Variants in ANK3 observed in about 807,000 individuals in gnomAD.
ANK3 encodes ankyrin 3, also known as ankyrin-3.
A neutral mutation model predicts 370.9 loss-of-function variants in ANK3; 57 were observed. That is an observed-to-expected ratio of 0.15 (90% CI 0.12 to 0.19). ANK3 has a LOEUF of 0.19. Among genes scored for constraint, ANK3 ranks in the 10% least tolerant of loss-of-function variants. The pLI, the probability that ANK3 is intolerant of heterozygous loss-of-function variation, is 1.00. For missense variants in ANK3, 4,439 were observed against 5,302.1 expected (o/e 0.84, Z 5.06); for synonymous variants, 1,929 against 1,946.3 (o/e 0.99, Z 0.23).
At chr10:60,076,728 C>T (rs999854821) in intron 36 of ANK3, among the ~76,000 whole-genome samples, 1 of 151,564 alleles carries the variant, frequency 6.6e-6, no homozygotes, top group African/African-American at 2.4e-5. Flanking sequence ...AAGAGGCAAA[C>T]AATGAAAAAT....
intron 2 of ANK3, among the ~76,000 whole-genome samples, chr10:60,493,928 T>C (rs1453999236): frequency 1.3e-5 from 2 of 152,268 alleles, no homozygotes; most frequent in East Asian, 3.9e-4. Flanking sequence ...CCAACTTCCC[T>C]TCCACCTTAC....
At chr10:60,339,198 G>C (rs1184160021) in intron 1 of ANK3, among the ~76,000 whole-genome samples, 1 of 152,022 alleles carries the variant, frequency 6.6e-6, no homozygotes, top group Non-Finnish European at 1.5e-5. Flanking sequence ...ACATCTGTGG[G>C]AGTTTAATTT....
intron 21 of ANK3, among the ~76,000 whole-genome samples, chr10:60,169,371 T>G (rs866592694): frequency 0.012 from 1,846 of 149,802 alleles, 51 homozygotes; most frequent in African/African-American, 0.043. Context: ...ATAGTTTTTT[T>G]TTTTTTTTTT....
intron 2 of ANK3, among the ~76,000 whole-genome samples, chr10:60,553,364 A>C (rs933113811): frequency 6.6e-6 from 1 of 152,220 alleles, no homozygotes; most frequent in African/African-American, 2.4e-5. Context: ...TGACTTACAT[A>C]AATCTCATAG....
chr10:60,622,233 C>CA (rs1243609941), intron 1 of ANK3, among the ~76,000 whole-genome samples: 1 of 147,760 alleles, frequency 6.8e-6, no homozygotes, highest in African/African-American at 2.4e-5. Context: ...ACTAAACCTA[C>CA]AAAAAATAGG....
intron 16 of ANK3, among the ~76,000 whole-genome samples, chr10:60,187,754 C>T (rs1373664567): frequency 1.3e-5 from 2 of 152,062 alleles, no homozygotes; most frequent in Non-Finnish European, 2.9e-5. Flanking sequence ...TTTTGATTTC[C>T]TCTTTTACAA....
chr10:60,539,705 C>T (rs966266669), intron 2 of ANK3, among the ~76,000 whole-genome samples: 3 of 151,880 alleles, frequency 2.0e-5, no homozygotes, highest in Non-Finnish European at 2.9e-5. Context: ...CTGAAATGTA[C>T]AATTTCACCA....
chr10:60,534,188 C>T (rs181689135), intron 2 of ANK3, among the ~76,000 whole-genome samples: 17 of 152,254 alleles, frequency 1.1e-4, no homozygotes, highest in Middle Eastern at 3.4e-3. Context: ...CCCAAATTCA[C>T]GGATCCCTCT....
chr10:60,516,623 A>G (rs1015500786), intron 2 of ANK3, among the ~76,000 whole-genome samples: 6 of 151,668 alleles, frequency 4.0e-5, no homozygotes, highest in Admixed American at 1.3e-4. Context: ...AAAATGGAGG[A>G]AAAAAAAATT....
intron 1 of ANK3, among the ~76,000 whole-genome samples, chr10:60,662,178 G>C (rs2078943634): frequency 6.6e-6 from 1 of 152,046 alleles, no homozygotes; most frequent in Non-Finnish European, 1.5e-5. Context: ...GAGAAATAAA[G>C]GATGAAAAAA....
intron 2 of ANK3, among the ~76,000 whole-genome samples, chr10:60,458,355 T>A (rs1383266456): frequency 6.6e-6 from 1 of 152,104 alleles, no homozygotes; most frequent in Non-Finnish European, 1.5e-5. Flanking sequence ...GAAGGTACAT[T>A]CCAACATCTC....
At chr10:60,239,552 G>T (rs901823976) in intron 7 of ANK3, among the ~76,000 whole-genome samples, 1 of 152,006 alleles carries the variant, frequency 6.6e-6, no homozygotes, top group African/African-American at 2.4e-5. Context: ...GAGTAATAAA[G>T]ACTTTTTAAG....
intron 8 of ANK3, among the ~76,000 whole-genome samples, chr10:60,228,163 C>T (rs2097191453): frequency 6.6e-6 from 1 of 152,122 alleles, no homozygotes; most frequent in African/African-American, 2.4e-5. Context: ...CTATCATGCA[C>T]CACTTACGAA....
chr10:60,315,180 C>T (rs891466063), intron 1 of ANK3, among the ~76,000 whole-genome samples: 1 of 152,088 alleles, frequency 6.6e-6, no homozygotes, highest in African/African-American at 2.4e-5. Flanking sequence ...ACTGTAGGGC[C>T]AGAGATAGAG....
At position 60,059,359 on chromosome 10, in the gene ANK3, G is replaced by A. The variant is rs1311264497; in HGVS notation, c.12667C>T (p.Leu4223=). 1.2e-6 allele frequency: 2 copies of A among 1,613,936 alleles called. No individual in the cohort carries two copies. The highest frequency in any genetic ancestry group is 2.2e-5 in the East Asian group (1 of 44,862). ...AQARRVTGGL[L]DRLDDSPDQC... Reference sequence around the variant, plus strand: ...CCATACCTGTCATCCAGTCGATCTAGTAACCCACCAGTTACTCTTCGAGCT... The same window carrying A: ...CCATACCTGTCATCCAGTCGATCTAATAACCCACCAGTTACTCTTCGAGCT... Residue 4223 remains leucine, a synonymous_variant, in exon 41 of 44, where the codon CTA becomes TTA. Transcript: ENST00000280772.
intron 18 of ANK3, among the ~76,000 whole-genome samples, chr10:60,177,114 T>C (rs1429049934): frequency 6.6e-6 from 1 of 152,166 alleles, no homozygotes; most frequent in Non-Finnish European, 1.5e-5. Flanking sequence ...TGAAACACCT[T>C]GACAGTTTTT....
intron 28 of ANK3, among the ~76,000 whole-genome samples, chr10:60,093,031 C>A (rs936482823): frequency 1.3e-5 from 2 of 152,186 alleles, no homozygotes; most frequent in African/African-American, 4.8e-5. Context: ...CCACTGCACC[C>A]GGCCAGAATT....
At chr10:60,379,720 G>A (rs115247514) in intron 1 of ANK3, among the ~76,000 whole-genome samples, 2,814 of 152,130 alleles carry the variant, frequency 0.018, 89 homozygotes, top group African/African-American at 0.064. Flanking sequence ...GAAAGGTAGG[G>A]GAAAGGGAGG....
In ANK3 at chr10:60,053,505, T is replaced by C. The variant is rs140585352; in HGVS notation, c.13065+2153A>G. On this transcript the variant is annotated intron_variant, in intron 42 of 43. Transcript: ENST00000280772. ...TTCAGTTTCCACTTTTTCCCTGGAA[T>C]CTCTGCTAACCTTAAAGTGAAAATG... Among the ~76,000 whole-genome samples, 1,433 of 152,242 alleles carry C rather than the reference T, an allele frequency of 9.4e-3. 26 individuals are homozygous for C. The highest frequency in any genetic ancestry group is 0.033 in the African/African-American group (1,383 of 41,538).
Sources: gnomAD v4.1 joint callset for allele counts (sites outside exome capture counted in the v4.1 genomes callset) on GRCh38, gnomAD v4.1.1 for gene constraint, MANE v1.5 for transcripts, NCBI Gene and HGNC (gene_info 2026-07-23, HGNC 2026-07-21) for gene names.